The following APBB1IP variants were observed in gnomAD, a reference collection of about 807,000 sequenced individuals.
The protein encoded by APBB1IP is amyloid beta precursor protein binding family B member 1 interacting protein.
A neutral mutation model predicts 64.9 loss-of-function variants in APBB1IP; 27 were observed. That is an observed-to-expected ratio of 0.42 (90% CI 0.31 to 0.57). The LOEUF (loss-of-function observed/expected upper bound fraction) is 0.57, where lower values mean the gene tolerates loss of function less well. Ranked by LOEUF, APBB1IP falls within the 20% of genes least tolerant of loss-of-function variation. APBB1IP has a pLI of 0.20. For missense variants in APBB1IP, 812 were observed against 845.5 expected (o/e 0.96, Z 0.49); for synonymous variants, 392 against 331.0 (o/e 1.18, Z -2.00).
intron 2 of APBB1IP, among the ~76,000 whole-genome samples, chr10:26,485,678 G>T (rs940175797): frequency 1.6e-4 from 25 of 152,160 alleles, no homozygotes; most frequent in African/African-American, 6.0e-4. Context: ...TTATAGACAA[G>T]GAAACTGAAG....
chr10:26,516,080 G>A (rs374799650), intron 8 of APBB1IP, among the ~76,000 whole-genome samples: 1 of 152,274 alleles, frequency 6.6e-6, no homozygotes, highest in Admixed American at 6.5e-5. Flanking sequence ...GCTAGGGGCA[G>A]TAAAGTTTCT....
At chr10:26,459,901 ATCAG>A (rs1335683466) in intron 2 of APBB1IP, among the ~76,000 whole-genome samples, 1 of 152,154 alleles carries the variant, frequency 6.6e-6, no homozygotes, top group Non-Finnish European at 1.5e-5. Flanking sequence ...TCCCCTATTA[ATCAG>A]TCAAATATAG....
intron 2 of APBB1IP, among the ~76,000 whole-genome samples, chr10:26,490,142 G>C (rs1477636982): frequency 1.3e-5 from 2 of 152,152 alleles, no homozygotes; most frequent in Non-Finnish European, 2.9e-5. Flanking sequence ...ACCCTGATTA[G>C]CTATAGCTAT....
chr10:26,445,886 G>C (rs561056172), intron 2 of APBB1IP, among the ~76,000 whole-genome samples: 1 of 131,748 alleles, frequency 7.6e-6, no homozygotes. Context: ...AACAGTGATC[G>C]AGATAAGTGA....
At position 26,562,447 on chromosome 10, in the gene APBB1IP, C is replaced by G. The variant is rs1234891856; in HGVS notation, c.1473+18C>G. The G allele has an allele frequency of 3.8e-6, 6 of 1,596,820 alleles. No homozygotes were observed. Among genetic ancestry groups the G allele is most frequent in the Non-Finnish European group, 5.2e-6 (6 of 1,164,604 alleles). ...CATCGAAGGTAAAACCAGCAAGCAGCTGACCCCTATAAGCCATGTTCTAAA... is the reference window on the plus strand; with the variant it reads ...CATCGAAGGTAAAACCAGCAAGCAGGTGACCCCTATAAGCCATGTTCTAAA... On this transcript the variant is annotated intron_variant, in intron 14 of 14. Transcript: ENST00000376236.
chr10:26,527,556 A>G (rs1349660566), intron 8 of APBB1IP, among the ~76,000 whole-genome samples: 1 of 151,638 alleles, frequency 6.6e-6, no homozygotes, highest in Non-Finnish European at 1.5e-5. Context: ...AAAAAAAAAA[A>G]AAGAAAAAAA....
At chr10:26,497,863 A>G (rs1163770013) in intron 4 of APBB1IP, among the ~76,000 whole-genome samples, 4 of 150,998 alleles carry the variant, frequency 2.6e-5, no homozygotes, top group African/African-American at 9.7e-5. Context: ...AGTAGCTGGG[A>G]CTACAGGCAT....
At chr10:26,501,784 C>G (rs1053172842) in intron 5 of APBB1IP, 8 of 152,236 alleles carry the variant, frequency 5.3e-5, no homozygotes, top group African/African-American at 1.9e-4. Flanking sequence ...AGAGGAGAGT[C>G]CAGTTCAATT....
intron 2 of APBB1IP, among the ~76,000 whole-genome samples, chr10:26,439,733 A>G (rs1181811241): frequency 6.6e-6 from 1 of 152,234 alleles, no homozygotes; most frequent in African/African-American, 2.4e-5. Context: ...GGAAAGTAAC[A>G]AAAGAAAAGG....
rs372920392 is a variant in APBB1IP, at chr10:26,438,460, G to GGGAGGGATAACAGA, written c.-203+7_-203+8insAGGGATAACAGAGG. The GGGAGGGATAACAGA allele has an allele frequency of 4.1e-5, 1 of 24,632 alleles. No individual in the cohort carries two copies. The highest frequency in any genetic ancestry group is 4.3e-4 in the Admixed American group (1 of 2,336). 1.5% of individuals were successfully genotyped at this position (24,632 alleles called of 1,614,324 possible). A position where few individuals can be genotyped will look rare whatever the true frequency, so the allele number is the denominator to read the frequency against. Reference sequence around the variant, plus strand: ...AGAAGGGCGCGCGCGGCACAGGTAGGGGGAGGCGCAACGTTTCCCAGAATT... The same window carrying GGGAGGGATAACAGA: ...AGAAGGGCGCGCGCGGCACAGGTAGGGGAGGGATAACAGAGGGAGGCGCAACGTTTCCCAGAATT... On this transcript the variant is annotated splice_donor_region_variant and intron_variant, in intron 1 of 14. Transcript: ENST00000376236.
chr10:26,459,635 A>T (rs1312255202), intron 2 of APBB1IP, among the ~76,000 whole-genome samples: 1 of 152,012 alleles, frequency 6.6e-6, no homozygotes, highest in African/African-American at 2.4e-5. Flanking sequence ...AGGTAGTTTG[A>T]TATTGTCCTT....
chr10:26,491,294 G>GAAAGA (rs573903572), intron 2 of APBB1IP, among the ~76,000 whole-genome samples: 4 of 151,762 alleles, frequency 2.6e-5, no homozygotes, highest in Admixed American at 6.6e-5. Flanking sequence ...GAAAAAAAAA[G>GAAAGA]AAAGAAAAGA....
chr10:26,482,708 T>C (rs1403102057), intron 2 of APBB1IP, among the ~76,000 whole-genome samples: 1 of 152,076 alleles, frequency 6.6e-6, no homozygotes, highest in African/African-American at 2.4e-5. Context: ...TCAAAGCAAA[T>C]TGATACTTGG....
chr10:26,514,021 A>G (rs957713183), intron 8 of APBB1IP, among the ~76,000 whole-genome samples: 2 of 152,214 alleles, frequency 1.3e-5, no homozygotes, highest in African/African-American at 4.8e-5. Flanking sequence ...GACGTGAGCC[A>G]CTGCGCCCAG....
intron 2 of APBB1IP, among the ~76,000 whole-genome samples, chr10:26,490,244 T>C (rs1835938437): frequency 6.6e-6 from 1 of 152,178 alleles, no homozygotes; most frequent in African/African-American, 2.4e-5. Context: ...GAAAGATAGA[T>C]TTGCCTCCAC....
chr10:26,498,244 C>T (rs1307184694), intron 4 of APBB1IP, among the ~76,000 whole-genome samples: 1 of 152,100 alleles, frequency 6.6e-6, no homozygotes, highest in Non-Finnish European at 1.5e-5. Context: ...CGTGGTGGCT[C>T]TTGCCTATAA....
At chr10:26,445,176 GAAAGAAAGA>G in intron 2 of APBB1IP, among the ~76,000 whole-genome samples, 1 of 138,654 alleles carries the variant, frequency 7.2e-6, no homozygotes, top group Non-Finnish European at 1.6e-5. Flanking sequence ...AAGAAAGAAA[GAAAGAAAGA>G]AAGAAAGAAA....
At chr10:26,496,002 T>G (rs539136052) in intron 3 of APBB1IP, among the ~76,000 whole-genome samples, 6,555 of 144,578 alleles carry the variant, frequency 0.045, 494 homozygotes, top group African/African-American at 0.16. Context: ...TATATATATA[T>G]AGTGTGTGTG....
chr10:26,543,927 G>C (rs1449458395), intron 11 of APBB1IP, among the ~76,000 whole-genome samples: 1 of 152,228 alleles, frequency 6.6e-6, no homozygotes, highest in Non-Finnish European at 1.5e-5. Context: ...TGCCCTGCCT[G>C]ATTCTGCTCC....
Sources: allele counts gnomAD v4.1 joint callset (sites outside exome capture counted in the v4.1 genomes callset), GRCh38; gene constraint gnomAD v4.1.1; transcripts MANE v1.5; gene names NCBI Gene and HGNC (gene_info 2026-07-23, HGNC 2026-07-21).